PRKAR2B: variants seen among roughly 807,000 people sequenced by gnomAD.
PRKAR2B encodes the protein protein kinase cAMP-dependent type II regulatory subunit beta.
A neutral mutation model predicts 49.9 loss-of-function variants in PRKAR2B; 14 were observed. The observed-to-expected ratio is 0.28, with a 90% CI of 0.19 to 0.44. The LOEUF (loss-of-function observed/expected upper bound fraction) is 0.44. PRKAR2B is among the 20% of genes least tolerant of loss of function. The pLI is 1.00. For synonymous variants in PRKAR2B, 196 were observed against 197.7 expected, an observed-to-expected ratio of 0.99 and a Z score of 0.07; for missense variants, 393 against 537.9, an observed-to-expected ratio of 0.73 and a Z score of 2.67.
chr7:107,118,579 G>T (rs1795333063), intron 2 of PRKAR2B, among the ~76,000 whole-genome samples: 1 of 152,190 alleles, frequency 6.6e-6, no homozygotes. Flanking sequence ...GAGGCAAACA[G>T]CTTGTAACAT....
At position 107,093,607 on chromosome 7, in the gene PRKAR2B, A is replaced by G. The variant is rs138438322; in HGVS notation, c.343+23291A>G. On this transcript the variant is annotated intron_variant, in intron 2 of 10. Coordinates refer to ENST00000265717, the MANE Select transcript of PRKAR2B (RefSeq NM_002736.3). ...TACATGTGCCATGTTGGTGTGCTGC[A>G]CCCGTTAACTCATCATTTACATTAG... 4.4e-3 allele frequency among the ~76,000 whole-genome samples: 670 copies of G among 150,604 alleles called. 8 individuals carry two copies. Among genetic ancestry groups the G allele is most frequent in the East Asian group, 0.023 (119 of 5,092 alleles).
At chr7:107,051,740 G>A (rs906908895) in intron 1 of PRKAR2B, among the ~76,000 whole-genome samples, 8 of 151,438 alleles carry the variant, frequency 5.3e-5, no homozygotes, top group Middle Eastern at 3.4e-3. Context: ...AATATGTTTG[G>A]AAACTAAAAA....
At chr7:107,091,576 C>T (rs1364673768) in intron 2 of PRKAR2B, 1 of 152,220 alleles carries the variant, frequency 6.6e-6, no homozygotes, top group Non-Finnish European at 1.5e-5. Context: ...TGCAGGCTCA[C>T]TTGGTTCCTG....
At chr7:107,101,530 A>G (rs760262727) in intron 2 of PRKAR2B, among the ~76,000 whole-genome samples, 9 of 152,188 alleles carry the variant, frequency 5.9e-5, no homozygotes, top group Non-Finnish European at 1.3e-4. Context: ...TGCTTGGAGA[A>G]TTTATCAAGT....
chr7:107,142,180 T>G (rs760070298), intron 5 of PRKAR2B, among the ~76,000 whole-genome samples: 1 of 152,158 alleles, frequency 6.6e-6, no homozygotes, highest in Non-Finnish European at 1.5e-5. Context: ...AAATGACCTC[T>G]TTGGTCTCCT....
At chr7:107,079,092 A>G (rs765484537) in intron 2 of PRKAR2B, among the ~76,000 whole-genome samples, 1 of 152,204 alleles carries the variant, frequency 6.6e-6, no homozygotes, top group Non-Finnish European at 1.5e-5. Flanking sequence ...ATAAGATAGT[A>G]TAAAATAGGT....
chr7:107,073,400 A>G (rs1315086317), intron 2 of PRKAR2B, among the ~76,000 whole-genome samples: 1 of 152,206 alleles, frequency 6.6e-6, no homozygotes, highest in Admixed American at 6.5e-5. Context: ...ATTATTTTCA[A>G]ACAGAATTCC....
chr7:107,136,281 A>T (rs1795700253), intron 4 of PRKAR2B, among the ~76,000 whole-genome samples: 1 of 152,346 alleles, frequency 6.6e-6, no homozygotes, highest in East Asian at 1.9e-4. Flanking sequence ...AACTTTTTAG[A>T]TGTAACACCA....
chr7:107,134,017 G>A (rs900137697), intron 4 of PRKAR2B, among the ~76,000 whole-genome samples: 6 of 151,734 alleles, frequency 4.0e-5, no homozygotes, highest in Non-Finnish European at 8.8e-5. Context: ...ATACTGTTAT[G>A]CCCTGTTTTT....
At chr7:107,155,868 A>G (rs1584457647) in intron 8 of PRKAR2B, among the ~76,000 whole-genome samples, 1 of 152,238 alleles carries the variant, frequency 6.6e-6, no homozygotes, top group East Asian at 1.9e-4. Context: ...AATGCCCATC[A>G]GTGATAGACT....
chr7:107,138,289 C>T (rs1411957270), intron 4 of PRKAR2B, among the ~76,000 whole-genome samples: 1 of 152,082 alleles, frequency 6.6e-6, no homozygotes, highest in Non-Finnish European at 1.5e-5. Context: ...ACAAATATGC[C>T]ACTCCAGTGG....
chr7:107,064,837 A>T (rs1794102447), intron 1 of PRKAR2B, among the ~76,000 whole-genome samples: 1 of 152,196 alleles, frequency 6.6e-6, no homozygotes, highest in African/African-American at 2.4e-5. Context: ...GTCCTTTTCA[A>T]TACCAGAAAT....
At chr7:107,151,982 TA>T (rs1795996611) in intron 7 of PRKAR2B, among the ~76,000 whole-genome samples, 1 of 152,228 alleles carries the variant, frequency 6.6e-6, no homozygotes, top group Non-Finnish European at 1.5e-5. Context: ...CAGACTTACT[TA>T]TCCAACTGCA....
At position 107,100,577 on chromosome 7, in the gene PRKAR2B, C is replaced by G. The variant is rs567396757; in HGVS notation, c.344-21375C>G. On this transcript the variant is annotated intron_variant, in intron 2 of 10. Coordinates refer to ENST00000265717, the MANE Select transcript of PRKAR2B (RefSeq NM_002736.3). ...TTGGCCATTTTATTGTAACATTTTTCTTTGCTTCTCTCTCTGTTTCCATTT... is the reference window on the plus strand; with the variant it reads ...TTGGCCATTTTATTGTAACATTTTTGTTTGCTTCTCTCTCTGTTTCCATTT... 3.1e-4 allele frequency among the ~76,000 whole-genome samples: 47 copies of G among 152,216 alleles called. 1 individual carries two copies. Among genetic ancestry groups the G allele is most frequent in the African/African-American group, 1.1e-3 (45 of 41,550 alleles).
chr7:107,146,552 A>G, intron 6 of PRKAR2B, 91 bp downstream of exon 6: 2 of 1,362,680 alleles, frequency 1.5e-6, no homozygotes, highest in Non-Finnish European at 2.0e-6. Context: ...ATTTTAATTT[A>G]AAGATCATCA....
chr7:107,069,472 A>T (rs1307986753), intron 1 of PRKAR2B, among the ~76,000 whole-genome samples: 1 of 152,232 alleles, frequency 6.6e-6, no homozygotes, highest in African/African-American at 2.4e-5. Context: ...TTACCAAAAT[A>T]CTGCATAGTA....
At chr7:107,149,986 G>A (rs1795954296) in intron 6 of PRKAR2B, among the ~76,000 whole-genome samples, 1 of 151,430 alleles carries the variant, frequency 6.6e-6, no homozygotes. Flanking sequence ...CACCTACTAT[G>A]TACCCACAAA....
At chr7:107,062,783 C>T (rs1794051325) in intron 1 of PRKAR2B, among the ~76,000 whole-genome samples, 1 of 151,530 alleles carries the variant, frequency 6.6e-6, no homozygotes, top group Non-Finnish European at 1.5e-5. Context: ...TTGCCTTCTG[C>T]TCTGATTATC....
intron 2 of PRKAR2B, among the ~76,000 whole-genome samples, chr7:107,114,274 A>G (rs1256301618): frequency 6.6e-6 from 1 of 151,778 alleles, no homozygotes; most frequent in Non-Finnish European, 1.5e-5. Flanking sequence ...TTTTGAAGAA[A>G]AAAAAATTAC....
Sources: gnomAD v4.1 joint callset for allele counts (sites outside exome capture counted in the v4.1 genomes callset) on GRCh38, gnomAD v4.1.1 for gene constraint, MANE v1.5 for transcripts, NCBI Gene and HGNC (gene_info 2026-07-23, HGNC 2026-07-21) for gene names.